Variants in EYS observed in about 807,000 individuals in gnomAD.
EYS encodes the protein protein eyes shut homolog.
EYS carries 250 observed loss-of-function variants against 282.1 expected under a neutral mutation model. The ratio of observed to expected loss-of-function variants is 0.89; its 90% CI spans 0.80 to 0.98. The LOEUF is 0.98. Ranked by LOEUF, EYS falls within the 50% of genes least tolerant of loss-of-function variation. The pLI is 0.00. For synonymous variants in EYS, 1,355 were observed against 1,282.9 expected (o/e 1.06, Z -1.20); for missense variants, 4,016 against 3,709.0 (o/e 1.08, Z -2.15).
chr6:65,620,162 C>T (rs1241375673), intron 2 of EYS, among the ~76,000 whole-genome samples: 3 of 152,092 alleles, frequency 2.0e-5, no homozygotes, highest in Non-Finnish European at 2.9e-5. Flanking sequence ...TGGTAGAATT[C>T]GGCTGTGAAT....
At chr6:65,470,595 C>T (rs1458409227) in intron 5 of EYS, among the ~76,000 whole-genome samples, 5 of 151,992 alleles carry the variant, frequency 3.3e-5, no homozygotes, top group African/African-American at 4.8e-5. Flanking sequence ...CACATTTAAA[C>T]GTTAAATGAT....
intron 12 of EYS, among the ~76,000 whole-genome samples, chr6:65,059,548 A>T (rs1376904186): frequency 6.6e-6 from 1 of 152,112 alleles, no homozygotes; most frequent in South Asian, 2.1e-4. Flanking sequence ...GATGGCTCCC[A>T]GGTCCTTGAG....
At chr6:65,146,917 A>G (rs199987176) in intron 12 of EYS, among the ~76,000 whole-genome samples, 2 of 152,092 alleles carry the variant, frequency 1.3e-5, no homozygotes, top group East Asian at 3.9e-4. Flanking sequence ...TGTGATCTAC[A>G]ATGGTGACAT....
Position 64,063,785 on chromosome 6 carries a change from T to C in EYS, c.6725+2553A>G, listed in dbSNP as rs528005785. On this transcript the variant is annotated intron_variant, in intron 33 of 42. Coordinates refer to ENST00000503581, the MANE Select transcript of EYS (RefSeq NM_001142800.2). ...CTCTGATCCCAAGGCTGGAGTGCAG[T>C]GGCAGGATCTCGGCTCACTGCAACC... Among the ~76,000 whole-genome samples, 23 of 152,312 alleles carry C rather than the reference T, an allele frequency of 1.5e-4. No individual in the cohort carries two copies. The South Asian group carries it at 1.9e-3, about 12-fold the overall frequency.
intron 1 of EYS, among the ~76,000 whole-genome samples, chr6:65,651,605 T>C (rs1184537315): frequency 3.9e-5 from 6 of 152,084 alleles, no homozygotes; most frequent in African/African-American, 1.4e-4. Flanking sequence ...AACTCTTCCT[T>C]CTTTGTAAAT....
At chr6:64,498,005 T>C (rs1354958632) in intron 26 of EYS, among the ~76,000 whole-genome samples, 1 of 152,124 alleles carries the variant, frequency 6.6e-6, no homozygotes, top group African/African-American at 2.4e-5. Context: ...CAAACTTCCA[T>C]CTTGGGTATA....
chr6:64,481,278 A>G (rs1176778519), intron 26 of EYS, among the ~76,000 whole-genome samples: 1,344 of 69,210 alleles, frequency 0.019, 16 homozygotes, highest in African/African-American at 0.054. Flanking sequence ...GTGTGTGTAT[A>G]TATATATATA....
intron 33 of EYS, among the ~76,000 whole-genome samples, chr6:64,019,898 A>G (rs1769104791): frequency 6.7e-6 from 1 of 149,248 alleles, no homozygotes; most frequent in African/African-American, 2.5e-5. Context: ...ATAAGTGGAC[A>G]CTCTATTAAG....
chr6:64,010,673 T>C (rs1304385247), intron 33 of EYS, among the ~76,000 whole-genome samples: 1 of 152,182 alleles, frequency 6.6e-6, no homozygotes, highest in Non-Finnish European at 1.5e-5. Flanking sequence ...TCTTTTTGTG[T>C]ACTCCCATTC....
At chr6:64,740,166 C>T (rs1161580297) in intron 22 of EYS, among the ~76,000 whole-genome samples, 1 of 152,006 alleles carries the variant, frequency 6.6e-6, no homozygotes, top group Non-Finnish European at 1.5e-5. Flanking sequence ...CTCATCAGAA[C>T]CCCCAGCACA....
At chr6:65,444,433 G>A (rs1028570619) in intron 5 of EYS, among the ~76,000 whole-genome samples, 4 of 151,956 alleles carry the variant, frequency 2.6e-5, no homozygotes, top group Non-Finnish European at 5.9e-5. Flanking sequence ...ACATAAACAA[G>A]TGGTGCTTAC....
At chr6:65,250,732 C>T (rs947067439) in intron 12 of EYS, among the ~76,000 whole-genome samples, 2 of 151,224 alleles carry the variant, frequency 1.3e-5, no homozygotes, top group Non-Finnish European at 3.0e-5. Flanking sequence ...GAATATAAAC[C>T]CATGTATATT....
intron 31 of EYS, among the ~76,000 whole-genome samples, chr6:64,113,433 G>A (rs1042053478): frequency 1.3e-5 from 2 of 152,124 alleles, no homozygotes; most frequent in Non-Finnish European, 2.9e-5. Flanking sequence ...TCATTAGGTT[G>A]TGAGAATTAA....
At chr6:64,125,198 G>A (rs1263389203) in intron 31 of EYS, among the ~76,000 whole-genome samples, 1 of 147,940 alleles carries the variant, frequency 6.8e-6, no homozygotes, top group South Asian at 2.1e-4. Flanking sequence ...CTCTCAAGGA[G>A]TAATGACAGG....
intron 8 of EYS, among the ~76,000 whole-genome samples, chr6:65,357,862 A>AT (rs5876959): frequency 1.3e-4 from 19 of 151,594 alleles, no homozygotes; most frequent in African/African-American, 3.9e-4. Context: ...CTAAAACACT[A>AT]TTTTTTTTCG....
chr6:64,261,436 T>C (rs1767585117), intron 30 of EYS, among the ~76,000 whole-genome samples: 1 of 152,166 alleles, frequency 6.6e-6, no homozygotes, highest in Non-Finnish European at 1.5e-5. Context: ...CTTTACTTTG[T>C]ATTTATTTTA....
chr6:65,033,928 G>A (rs935853957), intron 13 of EYS, among the ~76,000 whole-genome samples: 2 of 152,212 alleles, frequency 1.3e-5, no homozygotes, highest in Admixed American at 1.3e-4. Flanking sequence ...ATCTGTGAGA[G>A]CAGCCCTGGT....
intron 8 of EYS, among the ~76,000 whole-genome samples, chr6:65,355,884 G>A (rs754012399): frequency 2.6e-5 from 4 of 152,080 alleles, no homozygotes; most frequent in African/African-American, 9.7e-5. Context: ...TGATAGGAAT[G>A]TAAATTAGTA....
intron 6 of EYS, among the ~76,000 whole-genome samples, chr6:65,403,780 T>C (rs1196252348): frequency 6.6e-6 from 1 of 152,010 alleles, no homozygotes; most frequent in East Asian, 1.9e-4. Flanking sequence ...TAAGCATACA[T>C]CCACTAAAAG....
Sources: gnomAD v4.1 joint callset for allele counts (sites outside exome capture counted in the v4.1 genomes callset) on GRCh38, gnomAD v4.1.1 for gene constraint, MANE v1.5 for transcripts, NCBI Gene and HGNC (gene_info 2026-07-23, HGNC 2026-07-21) for gene names.